Variants in ZNF697 observed in about 807,000 individuals in gnomAD.
ZNF697 encodes the protein zinc finger protein 697.
A neutral mutation model predicts 32.4 loss-of-function variants in ZNF697; 23 were observed. That is an observed-to-expected ratio of 0.71 (90% CI 0.51 to 1.01). The LOEUF (loss-of-function observed/expected upper bound fraction) is 1.01, where lower values mean the gene tolerates loss of function less well. Ranked by LOEUF, ZNF697 falls within the 50% of genes least tolerant of loss-of-function variation. The probability of loss-of-function intolerance (pLI) is 0.00; values close to 1 mark genes in which losing one functional copy is unlikely to be tolerated. For synonymous variants in ZNF697, 418 were observed against 337.2 expected (o/e 1.24, Z -2.62); for missense variants, 930 against 794.0 (o/e 1.17, Z -2.06).
intron 1 of ZNF697, among the ~76,000 whole-genome samples, chr1:119,630,578 C>T (rs1648732397): frequency 1.3e-5 from 2 of 152,206 alleles, no homozygotes; most frequent in African/African-American, 4.8e-5. Context: ...AACTCAACCC[C>T]ACTTGAAAGA....
In ZNF697 at chr1:119,626,230, G is replaced by A. The variant is rs1570938949; in HGVS notation, c.-37-93C>T. The stretch of plus-strand genomic sequence containing the variant: ...AATTTCCAATTCTAATAAAATGTAT[G>A]GAGTTCCAAGCCCCAGATGGCAAAC... On this transcript the variant is annotated intron_variant, in intron 1 of 2. Coordinates refer to ENST00000421812, the MANE Select transcript of ZNF697 (RefSeq NM_001080470.2). The A allele has an allele frequency of 2.0e-6, 3 of 1,465,504 alleles. No individual in the cohort carries two copies. In the East Asian group the frequency reaches 7.0e-5, roughly 34 times the overall value. The allele number at this position is 1,465,504 out of a possible 1,614,324, so 90.8% of individuals were successfully genotyped here.
At chr1:119,627,061 G>A (rs1255716683) in intron 1 of ZNF697, among the ~76,000 whole-genome samples, 1 of 152,202 alleles carries the variant, frequency 6.6e-6, no homozygotes, top group African/African-American at 2.4e-5. Flanking sequence ...CCCCTGCCAA[G>A]ACTGAGCAGT....
At position 119,648,063 on chromosome 1, in the gene ZNF697, G is replaced by C. The variant is rs963236801; in HGVS notation, c.-410C>G. 6.6e-6 allele frequency among the ~76,000 whole-genome samples: 1 copy of C among 152,200 alleles called. No individual in the cohort carries two copies. The highest frequency in any genetic ancestry group is 6.5e-5 in the Admixed American group (1 of 15,288). ...GGCGGTTGAGCCCAGCCACAGCCAC[G>C]CTCCTACCTGCGAGGCGGCTGGCGC... On this transcript the variant is annotated 5_prime_UTR_variant, in exon 1 of 3. Transcript: ENST00000421812.
intron 1 of ZNF697, among the ~76,000 whole-genome samples, chr1:119,638,199 C>A (rs1648976848): frequency 6.6e-6 from 1 of 152,170 alleles, no homozygotes; most frequent in Non-Finnish European, 1.5e-5. Context: ...CCAAATAAAT[C>A]TTACAGGCTA....
Position 119,623,009 on chromosome 1 carries a change from C to G in ZNF697, c.1334G>C (p.Gly445Ala). ...RPYVCRECGKGFGRNSHLVNH... is the reference protein window; with the variant it reads ...RPYVCRECGKAFGRNSHLVNH... ...CACCAGGTGCGAGTTACGCCCGAAG[C>G]CCTTCCCGCACTCGCGGCACACGTA... Residue 445 changes from glycine to alanine, a missense_variant, in exon 3 of 3, where the codon GGC becomes GCC. Coordinates refer to ENST00000421812, the MANE Select transcript of ZNF697 (RefSeq NM_001080470.2). The G allele has an allele frequency of 6.3e-7, 1 of 1,590,242 alleles. No homozygotes were observed. The highest frequency in any genetic ancestry group is 1.1e-5 in the South Asian group (1 of 88,338).
At chr1:119,643,478 G>A (rs1447705920) in intron 1 of ZNF697, among the ~76,000 whole-genome samples, 1 of 152,186 alleles carries the variant, frequency 6.6e-6, no homozygotes, top group African/African-American at 2.4e-5. Context: ...GTTCAATCTA[G>A]TGATAGGTGA....
At chr1:119,625,326 G>T (rs1648545495) in intron 2 of ZNF697, among the ~76,000 whole-genome samples, 1 of 152,212 alleles carries the variant, frequency 6.6e-6, no homozygotes, top group African/African-American at 2.4e-5. Context: ...AAGGAGGTGG[G>T]TGGAGGCCCA....
Position 119,623,529 on chromosome 1 carries a change from G to A in ZNF697, c.814C>T (p.Arg272Cys), listed in dbSNP as rs751909000. 10 of 1,557,834 alleles carry A rather than the reference G, an allele frequency of 6.4e-6. No individual in the cohort carries two copies. Among genetic ancestry groups the A allele is most frequent in the Middle Eastern group, 1.7e-4 (1 of 5,920 alleles). Residue 272 changes from arginine to cysteine, a missense_variant, in exon 3 of 3, where the codon CGC (arginine) becomes TGC (cysteine). Transcript: ENST00000421812. ...AGGTGGTTGGTCAGGTAGGTGTTGC[G>A]GCTGAAGCCCTTGCCGCACTCCCCG... ...RCGECGKGFS[R>C]NTYLTNHLRL...
intron 1 of ZNF697, among the ~76,000 whole-genome samples, chr1:119,638,581 C>G (rs1365631911): frequency 6.6e-6 from 1 of 152,206 alleles, no homozygotes; most frequent in Non-Finnish European, 1.5e-5. Flanking sequence ...ACCACCCTGT[C>G]TCCTCTTCTT....
rs587771555 is a variant in ZNF697 at position 119,639,571 on chromosome 1, C to G, written c.-38+8120G>C. Among the ~76,000 whole-genome samples, 21 of 152,242 alleles carry G rather than the reference C, an allele frequency of 1.4e-4. No individual in the cohort carries two copies. In the South Asian group the frequency reaches 3.9e-3, roughly 29 times the overall value. On this transcript the variant is annotated intron_variant, in intron 1 of 2. Transcript: ENST00000421812. ...TGTCCTTTTCCGGAGGCAGCAGCAC[C>G]TGTAATGGTTAAAAGCTCAGATTCT...
At chr1:119,624,137 A>G in intron 2 of ZNF697, 21 bp from the exon 3 acceptor site, 1 of 1,538,018 alleles carries the variant, frequency 6.5e-7, no homozygotes, top group South Asian at 1.3e-5. Flanking sequence ...AAAAGGTGGC[A>G]GTGGGGGATT....
chr1:119,639,519 TTCG>T (rs1292001157), intron 1 of ZNF697, among the ~76,000 whole-genome samples: 3 of 152,112 alleles, frequency 2.0e-5, no homozygotes, highest in African/African-American at 7.2e-5. Context: ...TGAGATGCTT[TTCG>T]TCCTCAAAGC....
rs144063434 is a variant in ZNF697, at chr1:119,625,421, G to C, written c.226+454C>G. ...GGAATTAGCCACATGAACCTAGGCA[G>C]GTCACTTACCAGTGAGATGACTTAT... On this transcript the variant is annotated intron_variant, in intron 2 of 2. Coordinates refer to ENST00000421812, the MANE Select transcript of ZNF697 (RefSeq NM_001080470.2). 3.3e-5 allele frequency among the ~76,000 whole-genome samples: 5 copies of C among 152,330 alleles called. No homozygotes were observed. In the East Asian group the frequency reaches 5.8e-4, roughly 18 times the overall value.
At chr1:119,642,678 T>TA (rs1343240530) in intron 1 of ZNF697, among the ~76,000 whole-genome samples, 2 of 152,154 alleles carry the variant, frequency 1.3e-5, no homozygotes, top group African/African-American at 2.4e-5. Context: ...TAAAATGAAA[T>TA]AAAAAAACAC....
intron 1 of ZNF697, among the ~76,000 whole-genome samples, chr1:119,634,480 T>C (rs1387157016): frequency 6.6e-6 from 1 of 152,242 alleles, no homozygotes; most frequent in African/African-American, 2.4e-5. Context: ...AGTCACCTGA[T>C]GCCTGAATTT....
rs1648368882 is a variant in ZNF697 at position 119,622,600 on chromosome 1, C to T, written c.*105G>A. On this transcript the variant is annotated 3_prime_UTR_variant, in exon 3 of 3. Transcript: ENST00000421812. ...ACACCAAAGGCTCCCCAGTCACTCT[C>T]AGATTGTCCCTCCCGCCCCTTCCCC... 7.7e-6 allele frequency: 11 copies of T among 1,430,074 alleles called. No homozygotes were observed. Among genetic ancestry groups the T allele is most frequent in the Non-Finnish European group, 1.0e-5 (11 of 1,095,644 alleles). 88.6% of individuals were successfully genotyped at this position (1,430,074 alleles called of 1,614,324 possible). A position where few individuals can be genotyped will look rare whatever the true frequency, so the allele number is the denominator to read the frequency against.
At chr1:119,631,728 C>CCTGTCATGTCA (rs1349582553) in intron 1 of ZNF697, among the ~76,000 whole-genome samples, 7 of 152,172 alleles carry the variant, frequency 4.6e-5, no homozygotes, top group African/African-American at 1.7e-4. Flanking sequence ...GGAAGCGGCC[C>CCTGTCATGTCA]GGCGGGCGGC....
chr1:119,625,903 G>A lies in ZNF697; in HGVS notation c.198C>T (p.His66=), dbSNP rs1004602408. The A allele has an allele frequency of 1.2e-6, 2 of 1,613,726 alleles. No individual in the cohort carries two copies. Among genetic ancestry groups the A allele is most frequent in the African/African-American group, 2.7e-5 (2 of 74,966 alleles). ...TGCAGATGTCGGGCACTGCTTCCCT[G>A]TGCCTTGAGTCCTGTGGGTTGGAGC... is the stretch of plus-strand genomic sequence containing the variant. The part of the protein sequence containing the change: ...EMGSNPQDSR[H]REAVPDICTE... Residue 66 remains histidine, a synonymous_variant, in exon 2 of 3, where the codon CAC becomes CAT. Coordinates refer to ENST00000421812, the MANE Select transcript of ZNF697 (RefSeq NM_001080470.2).
At chr1:119,645,652 G>A (rs1220482713) in intron 1 of ZNF697, among the ~76,000 whole-genome samples, 2 of 152,200 alleles carry the variant, frequency 1.3e-5, no homozygotes, top group Non-Finnish European at 2.9e-5. Context: ...GTCCAGTAAA[G>A]GAGAGGGGTA....
Sources: allele counts gnomAD v4.1 joint callset (sites outside exome capture counted in the v4.1 genomes callset), GRCh38; gene constraint gnomAD v4.1.1; transcripts MANE v1.5; gene names NCBI Gene and HGNC (gene_info 2026-07-23, HGNC 2026-07-21).